The following SLC14A2 variants were observed in gnomAD, a reference collection of about 807,000 sequenced individuals.
SLC14A2 encodes the protein solute carrier family 14 member 2.
A neutral mutation model predicts 104.6 loss-of-function variants in SLC14A2; 91 were observed. The observed-to-expected ratio is 0.87, with a 90% CI of 0.73 to 1.04. The LOEUF (loss-of-function observed/expected upper bound fraction) is 1.04. SLC14A2 is among the 50% of genes least tolerant of loss of function. The pLI is 0.00. For synonymous variants in SLC14A2, 476 were observed against 466.4 expected (o/e 1.02, Z -0.27); for missense variants, 1,189 against 1,156.0 (o/e 1.03, Z -0.41).
chr18:45,434,268 C>T (rs746067022), intron 1 of SLC14A2, among the ~76,000 whole-genome samples: 18 of 152,102 alleles, frequency 1.2e-4, no homozygotes, highest in Non-Finnish European at 1.6e-4. Flanking sequence ...AATACTTGTT[C>T]CAAGACTGAT....
chr18:45,364,250 T>C (rs1193941786), intron 1 of SLC14A2, among the ~76,000 whole-genome samples: 1 of 151,906 alleles, frequency 6.6e-6, no homozygotes, highest in Non-Finnish European at 1.5e-5. Context: ...GTATTCCCTG[T>C]CATTTGCTAT....
intron 1 of SLC14A2, among the ~76,000 whole-genome samples, chr18:45,415,175 T>C (rs1005173983): frequency 2.0e-5 from 3 of 152,144 alleles, no homozygotes; most frequent in Admixed American, 6.6e-5. Flanking sequence ...TGACCTTTCG[T>C]GCAGGTTGCT....
intron 1 of SLC14A2, among the ~76,000 whole-genome samples, chr18:45,225,166 G>A (rs2084102065): frequency 6.6e-6 from 1 of 152,168 alleles, no homozygotes; most frequent in East Asian, 1.9e-4. Flanking sequence ...ATTAATTTTT[G>A]TATAAGGTGT....
intron 1 of SLC14A2, among the ~76,000 whole-genome samples, chr18:45,363,016 C>G (rs1391639055): frequency 6.6e-6 from 1 of 152,152 alleles, no homozygotes; most frequent in Non-Finnish European, 1.5e-5. Flanking sequence ...TTTCTGCCTG[C>G]TCATATCCAT....
chr18:45,212,744 C>T (rs1417635117), upstream of SLC14A2, among the ~76,000 whole-genome samples: 1 of 152,168 alleles, frequency 6.6e-6, no homozygotes, highest in African/African-American at 2.4e-5. Context: ...CCCAGGTGTA[C>T]CCTTCAATGT....
intron 10 of SLC14A2, among the ~76,000 whole-genome samples, chr18:45,644,630 CCACAAAGAGAGGAATTT>C (rs2045588172): frequency 6.6e-6 from 1 of 152,008 alleles, no homozygotes; most frequent in Non-Finnish European, 1.5e-5. Flanking sequence ...AGACTAATGA[CCACAAAGAGAGGAATTT>C]CACACTGATG....
At chr18:45,366,534 C>T (rs2085667472) in intron 1 of SLC14A2, among the ~76,000 whole-genome samples, 1 of 152,170 alleles carries the variant, frequency 6.6e-6, no homozygotes, top group African/African-American at 2.4e-5. Flanking sequence ...CTGTTTATCA[C>T]TTCTACCTCC....
chr18:45,398,266 G>A (rs62090702), intron 1 of SLC14A2, among the ~76,000 whole-genome samples: 7,267 of 152,094 alleles, frequency 0.048, 218 homozygotes, highest in Middle Eastern at 0.13. Context: ...TCTCAGCATT[G>A]AGTGTGTGGC....
chr18:45,562,138 A>C (rs551676390), intron 2 of SLC14A2, among the ~76,000 whole-genome samples: 34 of 152,342 alleles, frequency 2.2e-4, no homozygotes, highest in African/African-American at 8.2e-4. Context: ...CATCGGGTGC[A>C]CAACACCAAA....
the SLC14A2 span, among the ~76,000 whole-genome samples, chr18:45,175,690 G>GT: frequency 2.0e-5 from 3 of 152,166 alleles, no homozygotes; most frequent in Non-Finnish European, 1.5e-5. Flanking sequence ...GCTGAGACGG[G>GT]TTACAACATT....
chr18:45,317,624 T>A (rs182544897), intron 1 of SLC14A2, among the ~76,000 whole-genome samples: 249 of 152,266 alleles, frequency 1.6e-3, no homozygotes, highest in African/African-American at 5.7e-3. Flanking sequence ...TGGGGAGGGA[T>A]GATTTCCGGT....
chr18:45,230,019 A>C (rs1325006249), intron 1 of SLC14A2, among the ~76,000 whole-genome samples: 2 of 152,172 alleles, frequency 1.3e-5, no homozygotes, highest in African/African-American at 4.8e-5. Flanking sequence ...ACATTACATA[A>C]TTTATTTGTA....
intron 1 of SLC14A2, among the ~76,000 whole-genome samples, chr18:45,264,685 A>C (rs572573676): frequency 6.6e-6 from 1 of 152,096 alleles, no homozygotes; most frequent in African/African-American, 2.4e-5. Flanking sequence ...AAATCAACAG[A>C]TCTCGTGAGA....
At chr18:45,248,881 G>A (rs1417216433) in intron 1 of SLC14A2, among the ~76,000 whole-genome samples, 1 of 152,204 alleles carries the variant, frequency 6.6e-6, no homozygotes, top group African/African-American at 2.4e-5. Flanking sequence ...AAGGACTGGT[G>A]ATAAATTTTC....
intron 1 of SLC14A2, among the ~76,000 whole-genome samples, chr18:45,411,465 T>C (rs1189992453): frequency 6.6e-6 from 1 of 152,174 alleles, no homozygotes; most frequent in African/African-American, 2.4e-5. Flanking sequence ...GGATATCGTT[T>C]TTCACCTTTG....
chr18:45,344,521 A>G (rs2085428457), intron 1 of SLC14A2, among the ~76,000 whole-genome samples: 1 of 152,232 alleles, frequency 6.6e-6, no homozygotes, highest in Non-Finnish European at 1.5e-5. Context: ...AATACAAATA[A>G]ACAACCAGAT....
At chr18:45,249,280 G>A (rs934008925) in intron 1 of SLC14A2, among the ~76,000 whole-genome samples, 2 of 149,754 alleles carry the variant, frequency 1.3e-5, no homozygotes, top group African/African-American at 4.9e-5. Flanking sequence ...TCATGCTCCA[G>A]CCTTTTTTTT....
chr18:45,461,235 T>A (rs1405019906), intron 1 of SLC14A2, among the ~76,000 whole-genome samples: 1 of 152,158 alleles, frequency 6.6e-6, no homozygotes, highest in Non-Finnish European at 1.5e-5. Context: ...CCTACTAGAA[T>A]CTTGTATTGC....
intron 2 of SLC14A2, among the ~76,000 whole-genome samples, chr18:45,581,504 C>T (rs2044491971): frequency 2.0e-5 from 3 of 152,176 alleles, no homozygotes; most frequent in Non-Finnish European, 2.9e-5. Context: ...AAACTCACCA[C>T]ACCAAGTGCA....
Sources: allele counts gnomAD v4.1 joint callset (sites outside exome capture counted in the v4.1 genomes callset), GRCh38; gene constraint gnomAD v4.1.1; transcripts MANE v1.5; gene names NCBI Gene and HGNC (gene_info 2026-07-23, HGNC 2026-07-21).